The following PCSK2 variants were observed in gnomAD, a reference collection of about 807,000 sequenced individuals.
PCSK2 encodes the protein proprotein convertase subtilisin/kexin type 2.
In PCSK2, 14 loss-of-function variants were observed where a neutral mutation model predicts 69.7. The observed-to-expected ratio is 0.20, with a 90% confidence interval of 0.13 to 0.31. The LOEUF (loss-of-function observed/expected upper bound fraction) is 0.31, where lower values mean the gene tolerates loss of function less well. Among genes scored for constraint, PCSK2 ranks in the 10% least tolerant of loss-of-function variants. PCSK2 has a pLI of 1.00. For missense variants in PCSK2, 544 were observed against 842.5 expected, an observed-to-expected ratio of 0.65 and a Z score of 4.39; for synonymous variants, 307 against 320.7, an observed-to-expected ratio of 0.96 and a Z score of 0.46.
intron 5 of PCSK2, among the ~76,000 whole-genome samples, chr20:17,401,004 AAT>A (rs2123288415): frequency 6.6e-6 from 1 of 152,292 alleles, no homozygotes; most frequent in East Asian, 1.9e-4. Flanking sequence ...CATATGGAAG[AAT>A]ATCTTTAGGG....
intron 10 of PCSK2, chr20:17,463,843 A>G (rs2033053926): frequency 6.6e-6 from 1 of 152,156 alleles, no homozygotes; most frequent in South Asian, 2.1e-4. Context: ...AATTTTATCA[A>G]ATGAGTTATG....
chr20:17,295,121 A>C (rs1988843769), intron 2 of PCSK2, among the ~76,000 whole-genome samples: 1 of 152,110 alleles, frequency 6.6e-6, no homozygotes, highest in Non-Finnish European at 1.5e-5. Context: ...ATAGTGATAG[A>C]AGCATCCCTC....
chr20:17,385,109 A>C (rs890227711), intron 5 of PCSK2, among the ~76,000 whole-genome samples: 5 of 152,164 alleles, frequency 3.3e-5, no homozygotes, highest in Admixed American at 1.3e-4. Flanking sequence ...GGTTGCCTGC[A>C]TGCTCTAAGG....
chr20:17,474,792 C>A (rs972862436), intron 11 of PCSK2, among the ~76,000 whole-genome samples: 56 of 151,038 alleles, frequency 3.7e-4, no homozygotes, highest in African/African-American at 1.3e-3. Context: ...CTACATCTAT[C>A]TTTACAATAA....
intron 1 of PCSK2, among the ~76,000 whole-genome samples, chr20:17,246,954 C>G (rs544938836): frequency 1.3e-5 from 2 of 152,302 alleles, no homozygotes; most frequent in South Asian, 4.1e-4. Flanking sequence ...AGTTGAAACT[C>G]AGGCCTGTCT....
Position 17,268,009 on chromosome 20 carries a change from G to A in PCSK2, c.282+7665G>A, listed in dbSNP as rs1311815923. 4.1e-5 allele frequency among the ~76,000 whole-genome samples: 5 copies of A among 121,202 alleles called. No individual in the cohort carries two copies. In the South Asian group the frequency reaches 1.0e-3, roughly 25 times the overall value. The allele number at this position is 121,202 out of a possible 152,430, so 79.5% of individuals were successfully genotyped here. ...CCCAACCTTCCCCAAGATGCAAAAG[G>A]AAATGCATTTATATATCCAATGTGT... On this transcript the variant is annotated intron_variant, in intron 2 of 11. Coordinates refer to ENST00000262545, the MANE Select transcript of PCSK2 (RefSeq NM_002594.5).
chr20:17,452,005 G>A (rs189266923), intron 8 of PCSK2, among the ~76,000 whole-genome samples: 48 of 135,934 alleles, frequency 3.5e-4, no homozygotes, highest in East Asian at 3.0e-3. Flanking sequence ...TGCACCTCCC[G>A]AATAGCTGGG....
At chr20:17,257,812 C>A (rs978301837) in intron 1 of PCSK2, among the ~76,000 whole-genome samples, 1 of 152,166 alleles carries the variant, frequency 6.6e-6, no homozygotes, top group Non-Finnish European at 1.5e-5. Flanking sequence ...TACAGCTCTG[C>A]CCATGTGTAT....
chr20:17,312,325 C>T (rs1198550430), intron 2 of PCSK2, among the ~76,000 whole-genome samples: 1 of 152,114 alleles, frequency 6.6e-6, no homozygotes, highest in East Asian at 1.9e-4. Context: ...AGAAGTAAAT[C>T]CTCTTTTCCT....
intron 5 of PCSK2, among the ~76,000 whole-genome samples, chr20:17,372,522 T>C (rs933465099): frequency 2.6e-5 from 4 of 152,326 alleles, no homozygotes; most frequent in South Asian, 2.1e-4. Context: ...TGGGATGTTA[T>C]TGAAGAGATG....
chr20:17,321,760 C>A (rs1172529121), intron 2 of PCSK2, among the ~76,000 whole-genome samples: 8 of 152,172 alleles, frequency 5.3e-5, no homozygotes, highest in Non-Finnish European at 1.2e-4. Context: ...CTTTGACTAA[C>A]CTCTAATTGA....
At chr20:17,473,098 T>TTTTG (rs1220923954) in intron 11 of PCSK2, among the ~76,000 whole-genome samples, 1 of 140,282 alleles carries the variant, frequency 7.1e-6, no homozygotes, top group Non-Finnish European at 1.5e-5. Flanking sequence ...TTTTTTTTTT[T>TTTTG]TTTTTTTTTT....
chr20:17,363,692 G>A (rs2123219848), intron 4 of PCSK2, among the ~76,000 whole-genome samples: 1 of 152,308 alleles, frequency 6.6e-6, no homozygotes, highest in East Asian at 1.9e-4. Context: ...GAAGTGAGAT[G>A]GAAGGCCAGC....
chr20:17,310,943 C>T (rs534708028), intron 2 of PCSK2, among the ~76,000 whole-genome samples: 2,624 of 145,908 alleles, frequency 0.018, 33 homozygotes, highest in Non-Finnish European at 0.028. Context: ...CAGAGGTTGT[C>T]GTGAGCCAAG....
chr20:17,437,696 C>T (rs1278236612), intron 8 of PCSK2, among the ~76,000 whole-genome samples: 1 of 152,222 alleles, frequency 6.6e-6, no homozygotes, highest in Non-Finnish European at 1.5e-5. Flanking sequence ...GTCTCGACTG[C>T]CGCTTAAGCA....
chr20:17,353,733 A>T (rs190277360), intron 2 of PCSK2, among the ~76,000 whole-genome samples: 1 of 152,318 alleles, frequency 6.6e-6, no homozygotes, highest in East Asian at 1.9e-4. Context: ...CAAAGACATG[A>T]AATCAACCTA....
intron 2 of PCSK2, among the ~76,000 whole-genome samples, chr20:17,298,399 G>A (rs1472092380): frequency 6.6e-6 from 1 of 152,148 alleles, no homozygotes; most frequent in Non-Finnish European, 1.5e-5. Context: ...AGTCATGATT[G>A]TCACTGGTGG....
chr20:17,335,427 T>TGTGTGTGTGTGTG (rs74179104), intron 2 of PCSK2, among the ~76,000 whole-genome samples: 2 of 139,192 alleles, frequency 1.4e-5, no homozygotes, highest in South Asian at 5.0e-4. Flanking sequence ...CAGCATCACT[T>TGTGTGTGTGTGTG]TGTGTGTGTG....
At chr20:17,456,274 C>A in intron 9 of PCSK2, 74 bp from the exon 10 acceptor site, 2 of 771,454 alleles carry the variant, frequency 2.6e-6, no homozygotes, top group East Asian at 2.5e-5. Flanking sequence ...AGTAGATAAT[C>A]CCCTGCTCCA....
Sources: allele counts gnomAD v4.1 joint callset (sites outside exome capture counted in the v4.1 genomes callset), GRCh38; gene constraint gnomAD v4.1.1; transcripts MANE v1.5; gene names NCBI Gene and HGNC (gene_info 2026-07-23, HGNC 2026-07-21).